The following SGCZ variants were observed in gnomAD, a reference collection of about 807,000 sequenced individuals.
SGCZ encodes zeta-sarcoglycan.
SGCZ carries 40 observed loss-of-function variants against 41.3 expected under a neutral mutation model. The observed-to-expected ratio is 0.97, with a 90% CI of 0.75 to 1.26. The LOEUF (loss-of-function observed/expected upper bound fraction) is 1.26. Ranked by LOEUF, SGCZ falls within the 50% of genes most tolerant of loss-of-function variation. The pLI, the probability that SGCZ is intolerant of heterozygous loss-of-function variation, is 0.00. For synonymous variants in SGCZ, 206 were observed against 137.5 expected (o/e 1.50, Z -3.49); for missense variants, 552 against 369.8 (o/e 1.49, Z -4.04).
At chr8:14,281,831 T>G (rs1800452200) in intron 3 of SGCZ, among the ~76,000 whole-genome samples, 1 of 150,790 alleles carries the variant, frequency 6.6e-6, no homozygotes, top group Non-Finnish European at 1.5e-5. Context: ...CTGGGTGTCT[T>G]GGAGACATAA....
intron 1 of SGCZ, among the ~76,000 whole-genome samples, chr8:14,827,013 C>T (rs554606844): frequency 2.0e-5 from 3 of 152,146 alleles, no homozygotes; most frequent in African/African-American, 7.2e-5. Context: ...CTTGCCCATG[C>T]CTATGTCCTG....
chr8:15,097,466 A>G (rs999540760), intron 1 of SGCZ, among the ~76,000 whole-genome samples: 1 of 152,092 alleles, frequency 6.6e-6, no homozygotes, highest in Non-Finnish European at 1.5e-5. Flanking sequence ...TCCCATTGCT[A>G]GGATGGGCAT....
At chr8:14,195,933 A>G (rs1563179398) in intron 4 of SGCZ, among the ~76,000 whole-genome samples, 1 of 152,170 alleles carries the variant, frequency 6.6e-6, no homozygotes, top group East Asian at 1.9e-4. Flanking sequence ...TGCAAATGAC[A>G]TCAGATGGAA....
At chr8:14,384,345 T>C (rs183040741) in intron 2 of SGCZ, among the ~76,000 whole-genome samples, 1 of 152,184 alleles carries the variant, frequency 6.6e-6, no homozygotes, top group South Asian at 2.1e-4. Context: ...CTGCTCACAA[T>C]AGCAAAGATT....
intron 1 of SGCZ, among the ~76,000 whole-genome samples, chr8:14,719,740 G>C (rs190567640): frequency 5.3e-5 from 8 of 151,920 alleles, no homozygotes; most frequent in Admixed American, 1.3e-4. Context: ...GTTCATTGTA[G>C]ATTCTAGATA....
chr8:14,642,873 T>C (rs1807074208), intron 1 of SGCZ, among the ~76,000 whole-genome samples: 1 of 151,580 alleles, frequency 6.6e-6, no homozygotes, highest in Non-Finnish European at 1.5e-5. Context: ...GGGCAATATG[T>C]TGCTTGAACT....
chr8:14,423,941 G>T (rs73664361), intron 2 of SGCZ, among the ~76,000 whole-genome samples: 57 of 151,842 alleles, frequency 3.8e-4, no homozygotes, highest in African/African-American at 1.3e-3. Context: ...AATCATTAAA[G>T]TATAATAAAT....
chr8:14,248,719 T>G (rs1799187591), intron 3 of SGCZ, among the ~76,000 whole-genome samples: 1 of 150,290 alleles, frequency 6.7e-6, no homozygotes, highest in African/African-American at 2.4e-5. Flanking sequence ...TATTTTCATT[T>G]ATGATAATTA....
chr8:14,420,736 G>A (rs1185775500), intron 2 of SGCZ, among the ~76,000 whole-genome samples: 1 of 151,974 alleles, frequency 6.6e-6, no homozygotes, highest in African/African-American at 2.4e-5. Context: ...CTTCCTCCCA[G>A]GTTCCTAGTT....
intron 1 of SGCZ, among the ~76,000 whole-genome samples, chr8:14,661,171 G>A (rs1807736322): frequency 6.6e-6 from 1 of 152,068 alleles, no homozygotes; most frequent in South Asian, 2.1e-4. Flanking sequence ...TATCATTTAG[G>A]TAGTTTGTGC....
chr8:15,224,754 T>C (rs1435124904), intron 1 of SGCZ, among the ~76,000 whole-genome samples: 2 of 152,128 alleles, frequency 1.3e-5, no homozygotes, highest in Non-Finnish European at 2.9e-5. Flanking sequence ...TGAGAAAAAC[T>C]AGCCAAAATA....
chr8:14,404,374 C>T (rs1284254890), intron 2 of SGCZ, among the ~76,000 whole-genome samples: 2 of 151,798 alleles, frequency 1.3e-5, no homozygotes, highest in Non-Finnish European at 2.9e-5. Flanking sequence ...GCAACATGTC[C>T]TCTTTAAAGG....
rs148519698 is a variant in SGCZ, at chr8:14,313,910, C to CTCTGTGTG, written c.336+10192_336+10193insCACACAGA. ...AAAAGTATAGGGTTATATCATCTCT[C>CTCTGTGTG]TGTGTGTGTGTGTGTGTGTGTGTGT... On this transcript the variant is annotated intron_variant, in intron 3 of 7. Transcript: ENST00000382080. 1.1e-3 allele frequency among the ~76,000 whole-genome samples: 162 copies of CTCTGTGTG among 144,900 alleles called. 2 individuals are homozygous for CTCTGTGTG. Among genetic ancestry groups the CTCTGTGTG allele is most frequent in the Non-Finnish European group, 2.0e-3 (134 of 65,644 alleles).
intron 1 of SGCZ, among the ~76,000 whole-genome samples, chr8:14,857,128 C>T (rs531305592): frequency 1.3e-5 from 2 of 152,050 alleles, no homozygotes; most frequent in Non-Finnish European, 2.9e-5. Context: ...GTAGCGCCTC[C>T]CTCCTCTCTC....
chr8:14,157,509 T>C (rs1014919351), intron 5 of SGCZ, among the ~76,000 whole-genome samples: 1 of 151,154 alleles, frequency 6.6e-6, no homozygotes, highest in African/African-American at 2.4e-5. Context: ...TGGTATTTGA[T>C]AATACTATTT....
At chr8:14,857,156 A>G (rs549881273) in intron 1 of SGCZ, among the ~76,000 whole-genome samples, 1 of 152,254 alleles carries the variant, frequency 6.6e-6, no homozygotes, top group Admixed American at 6.5e-5. Context: ...TGATCCAGCC[A>G]TGTAAGATGG....
chr8:14,147,548 G>A (rs1172011889), intron 5 of SGCZ, among the ~76,000 whole-genome samples: 2 of 152,066 alleles, frequency 1.3e-5, no homozygotes, highest in African/African-American at 4.8e-5. Context: ...CCAACACTGG[G>A]ACATCCAAAT....
intron 1 of SGCZ, among the ~76,000 whole-genome samples, chr8:15,077,240 A>G (rs1270863039): frequency 6.6e-6 from 1 of 152,216 alleles, no homozygotes; most frequent in Non-Finnish European, 1.5e-5. Flanking sequence ...GTACAATTAT[A>G]AAACCATTTA....
intron 2 of SGCZ, among the ~76,000 whole-genome samples, chr8:14,489,714 T>A (rs976470083): frequency 7.3e-5 from 11 of 150,296 alleles, no homozygotes; most frequent in African/African-American, 2.7e-4. Context: ...TCTTACACAA[T>A]TTAGCTCCCC....
Sources: allele counts gnomAD v4.1 joint callset (sites outside exome capture counted in the v4.1 genomes callset), GRCh38; gene constraint gnomAD v4.1.1; transcripts MANE v1.5; gene names NCBI Gene and HGNC (gene_info 2026-07-23, HGNC 2026-07-21).